PER3: variants seen among roughly 807,000 people sequenced by gnomAD.
PER3 encodes period circadian regulator 3.
PER3 carries 107 observed loss-of-function variants against 127.2 expected under a neutral mutation model. The ratio of observed to expected loss-of-function variants is 0.84; its 90% CI spans 0.72 to 0.99. The LOEUF is 0.99. PER3 is among the 50% of genes least tolerant of loss of function. PER3 has a pLI of 0.00. For missense variants in PER3, 1,560 were observed against 1,525.8 expected (o/e 1.02, Z -0.37); for synonymous variants, 618 against 585.8 (o/e 1.05, Z -0.79).
Position 7,830,097 on chromosome 1 carries a change from C to T in PER3, c.3150C>T (p.Ala1050=). 6.2e-7 allele frequency: 1 copy of T among 1,614,030 alleles called. No homozygotes were observed. Among genetic ancestry groups the T allele is most frequent in the Non-Finnish European group, 8.5e-7 (1 of 1,180,002 alleles). Residue 1050 remains alanine, a synonymous_variant, in exon 19 of 22, where the codon GCC becomes GCT. Transcript: ENST00000377532. ...PPSRTPSHPT[A]TVLSTGSPPS... ...GCAGGACTCCATCCCATCCTACTGC[C>T]ACTGTTCTGTCCACGGGGTCACCTC...
At chr1:7,806,980 C>T (rs2097197774) in intron 10 of PER3, among the ~76,000 whole-genome samples, 1 of 151,874 alleles carries the variant, frequency 6.6e-6, no homozygotes, top group Non-Finnish European at 1.5e-5. Context: ...GGTTTTCAAG[C>T]TCACAATGTG....
chr1:7,789,757 G>T (rs2097110152), intron 5 of PER3, among the ~76,000 whole-genome samples: 1 of 152,090 alleles, frequency 6.6e-6, no homozygotes, highest in Non-Finnish European at 1.5e-5. Context: ...ATTTAATGAA[G>T]GGTAGCTTTG....
intron 6 of PER3, among the ~76,000 whole-genome samples, chr1:7,795,215 T>C (rs1428250452): frequency 6.6e-6 from 1 of 152,240 alleles, no homozygotes; most frequent in East Asian, 1.9e-4. Context: ...TAATAAGTGC[T>C]GTATGTGTTT....
In PER3 at chr1:7,794,859, CATAATAT is replaced by C. The variant is rs1159590592; in HGVS notation, c.644+857_644+863del. On this transcript the variant is annotated intron_variant, in intron 6 of 21. Coordinates refer to ENST00000377532, the MANE Select transcript of PER3 (RefSeq NM_001377275.1). The stretch of plus-strand genomic sequence containing the variant: ...ATTAGTGTTCCTTTTATGTTATATA[CATAATAT>C]ATAATTATATATTCTGTTATGTTAT... Among the ~76,000 whole-genome samples the C allele has an allele frequency of 4.7e-5, 7 of 150,254 alleles. No individual in the cohort carries two copies. The East Asian group carries it at 1.2e-3, about 25-fold the overall frequency.
In PER3 at chr1:7,784,954, G is replaced by A. The variant is rs202177206; in HGVS notation, c.77G>A (p.Arg26Gln). 3 of 1,545,242 alleles carry A rather than the reference G, an allele frequency of 1.9e-6. No homozygotes were observed. Among genetic ancestry groups the A allele is most frequent in the Admixed American group, 2.3e-5 (1 of 42,952 alleles). ...DEALGEESGE[R>Q]WSPEFHLQRK... Reference sequence around the variant, plus strand: ...GCCCTGGGCGAAGAATCGGGGGAGCGGTGGAGCCCCGAGTTCCATCTGCAG... The same window carrying A: ...GCCCTGGGCGAAGAATCGGGGGAGCAGTGGAGCCCCGAGTTCCATCTGCAG... The change falls in exon 2 of 22, where the codon CGG becomes CAG. Residue 26 changes from arginine to glutamine, a missense_variant. Physicochemically the swap from Arg to Gln is conservative, Grantham distance 43 (BLOSUM62 1). Transcript: ENST00000377532.
chr1:7,795,758 GTTTTAC>G (rs1005342965), intron 6 of PER3, among the ~76,000 whole-genome samples: 3 of 152,184 alleles, frequency 2.0e-5, no homozygotes, highest in Non-Finnish European at 4.4e-5. Context: ...TTTTCAAAAC[GTTTTAC>G]TTTGGGAATT....
chr1:7,812,080 C>G (rs560808767), intron 13 of PER3, among the ~76,000 whole-genome samples: 1 of 152,136 alleles, frequency 6.6e-6, no homozygotes, highest in Non-Finnish European at 1.5e-5. Context: ...GCTAAAGTGT[C>G]TAAATGTTTT....
At chr1:7,839,929 G>C (rs2097376734) in intron 21 of PER3, among the ~76,000 whole-genome samples, 1 of 152,034 alleles carries the variant, frequency 6.6e-6, no homozygotes, top group Non-Finnish European at 1.5e-5. Flanking sequence ...CATCAAACTT[G>C]GGGAGTTTTC....
At chr1:7,829,471 C>T (rs912118629) in intron 18 of PER3, among the ~76,000 whole-genome samples, 8 of 152,182 alleles carry the variant, frequency 5.3e-5, no homozygotes, top group Admixed American at 5.2e-4. Flanking sequence ...GCTGGCATCA[C>T]TCCTCTTGCA....
intron 19 of PER3, among the ~76,000 whole-genome samples, chr1:7,832,837 ATTTT>A (rs61585135): frequency 7.5e-6 from 1 of 132,994 alleles, no homozygotes; most frequent in African/African-American, 2.8e-5. Context: ...CATCCCTCAA[ATTTT>A]TTTTTTTTTT....
At position 7,842,762 on chromosome 1, in the gene PER3, G is replaced by A. The variant is rs1203349520; in HGVS notation, c.*7G>A. ...GGTAGAAGACAGCTGTTGAGTGACTGTGAGGATGAACCTTCATACCCTTTC... is the reference window on the plus strand; with the variant it reads ...GGTAGAAGACAGCTGTTGAGTGACTATGAGGATGAACCTTCATACCCTTTC... On this transcript the variant is annotated 3_prime_UTR_variant, in exon 22 of 22. Coordinates refer to ENST00000377532, the MANE Select transcript of PER3 (RefSeq NM_001377275.1). 1.4e-5 allele frequency: 22 copies of A among 1,611,088 alleles called. No individual in the cohort carries two copies. Among genetic ancestry groups the A allele is most frequent in the Non-Finnish European group, 1.7e-5 (20 of 1,177,864 alleles).
At chr1:7,836,801 A>T (rs1035560163) in intron 20 of PER3, 198 bp from the exon 21 acceptor site, 6 of 477,484 alleles carry the variant, frequency 1.3e-5, no homozygotes, top group African/African-American at 7.7e-5. Flanking sequence ...TTAAAACATC[A>T]TATAGATATT....
chr1:7,832,564 G>A (rs998584629), intron 19 of PER3, among the ~76,000 whole-genome samples: 3 of 151,538 alleles, frequency 2.0e-5, no homozygotes, highest in East Asian at 3.9e-4. Context: ...TAGTAGAGAC[G>A]GGGTTTCACC....
intron 1 of PER3, 70 bp from the exon 2 acceptor site, chr1:7,784,584 G>A: frequency 3.8e-6 from 1 of 261,412 alleles, no homozygotes. Context: ...GGGCGCCCCA[G>A]CCAGCCGGGC....
chr1:7,813,954 C>A (rs1476821049), intron 13 of PER3, among the ~76,000 whole-genome samples: 2 of 152,120 alleles, frequency 1.3e-5, no homozygotes, highest in African/African-American at 2.4e-5. Flanking sequence ...AAAGTGGGCA[C>A]CATGCAGGAC....
intron 20 of PER3, 40 bp from the exon 21 acceptor site, chr1:7,836,959 C>G (rs779471471): frequency 4.1e-5 from 63 of 1,550,312 alleles, no homozygotes; most frequent in Non-Finnish European, 5.5e-5. Context: ...AACCCTGTGT[C>G]TTATTCAGGA....
At chr1:7,815,853 C>T (rs2097246903) in intron 13 of PER3, among the ~76,000 whole-genome samples, 1 of 151,060 alleles carries the variant, frequency 6.6e-6, no homozygotes, top group Non-Finnish European at 1.5e-5. Flanking sequence ...ATTAGCCAGG[C>T]ATAGTGGCAC....
rs995571610 is a variant in PER3, at chr1:7,787,978, T to A, written c.391-67T>A. ...GTCATGTTAGAGATCCAGAAGAAAT[T>A]TACCTTTCAGGGAATATTGCTAGTG... On this transcript the variant is annotated intron_variant, in intron 4 of 21. Coordinates refer to ENST00000377532, the MANE Select transcript of PER3 (RefSeq NM_001377275.1). The A allele has an allele frequency of 4.2e-6, 5 of 1,193,434 alleles. No homozygotes were observed. The African/African-American group carries it at 4.5e-5, about 11-fold the overall frequency. The allele number at this position is 1,193,434 out of a possible 1,614,324, so 73.9% of individuals were successfully genotyped here.
intron 8 of PER3, among the ~76,000 whole-genome samples, chr1:7,802,431 T>G (rs1428950283): frequency 6.6e-6 from 1 of 151,896 alleles, no homozygotes. Flanking sequence ...CCCGGCTAAT[T>G]TTTTTATATT....
Sources: gnomAD v4.1 joint callset for allele counts (sites outside exome capture counted in the v4.1 genomes callset) on GRCh38, gnomAD v4.1.1 for gene constraint, MANE v1.5 for transcripts, NCBI Gene and HGNC (gene_info 2026-07-23, HGNC 2026-07-21) for gene names.